DCAF13: variants seen among roughly 807,000 people sequenced by gnomAD.
The protein encoded by DCAF13 is DDB1 and CUL4 associated factor 13.
A neutral mutation model predicts 59.0 loss-of-function variants in DCAF13; 38 were observed. That is an observed-to-expected ratio of 0.64 (90% confidence interval 0.50 to 0.84). The LOEUF (loss-of-function observed/expected upper bound fraction) is 0.84, where lower values mean the gene tolerates loss of function less well. Among genes scored for constraint, DCAF13 ranks in the 40% least tolerant of loss-of-function variants. The pLI, the probability that DCAF13 is intolerant of heterozygous loss-of-function variation, is 0.00. For missense variants in DCAF13, 469 were observed against 558.4 expected, an observed-to-expected ratio of 0.84 and a Z score of 1.61; for synonymous variants, 173 against 175.0, an observed-to-expected ratio of 0.99 and a Z score of 0.09.
rs760281498 is a variant in DCAF13 at position 103,420,966 on chromosome 8, T to C, written c.271-9T>C. Reference sequence around the variant, plus strand: ...GTTCACTGAAATTTCCTGGTATGCCTTATCATAGGTTAGAATTTGGAATCT... The same window carrying C: ...GTTCACTGAAATTTCCTGGTATGCCCTATCATAGGTTAGAATTTGGAATCT... On this transcript the variant is annotated splice_polypyrimidine_tract_variant and intron_variant, in intron 2 of 10. Coordinates refer to ENST00000612750, the MANE Select transcript of DCAF13 (RefSeq NM_015420.7). The C allele has an allele frequency of 1.3e-6, 2 of 1,562,224 alleles. No homozygotes were observed. The highest frequency in any genetic ancestry group is 2.2e-5 in the South Asian group (2 of 90,000).
At chr8:103,439,070 C>G (rs544686138) in intron 8 of DCAF13, among the ~76,000 whole-genome samples, 35 of 152,092 alleles carry the variant, frequency 2.3e-4, no homozygotes, top group Non-Finnish European at 4.7e-4. Context: ...TGCAGTAGCA[C>G]GATCTCGGCT....
intron 3 of DCAF13, among the ~76,000 whole-genome samples, chr8:103,425,488 T>G (rs1175604557): frequency 2.0e-5 from 3 of 152,212 alleles, no homozygotes; most frequent in Non-Finnish European, 2.9e-5. Flanking sequence ...AAAATAGTTT[T>G]GACTGTGTGG....
At chr8:103,434,136 A>T (rs1787193911) in intron 7 of DCAF13, among the ~76,000 whole-genome samples, 1 of 151,978 alleles carries the variant, frequency 6.6e-6, no homozygotes, top group Non-Finnish European at 1.5e-5. Flanking sequence ...CTATATTTGT[A>T]AGTATTTTTT....
At chr8:103,431,203 A>G (rs1351274955) in intron 6 of DCAF13, among the ~76,000 whole-genome samples, 4 of 152,222 alleles carry the variant, frequency 2.6e-5, no homozygotes, top group African/African-American at 9.6e-5. Context: ...TAACAATTCT[A>G]AAGTAGTAAT....
chr8:103,434,224 T>C (rs960091777), intron 7 of DCAF13, among the ~76,000 whole-genome samples: 1 of 152,100 alleles, frequency 6.6e-6, no homozygotes, highest in African/African-American at 2.4e-5. Context: ...CAGTAATTAC[T>C]GTATAAACTT....
chr8:103,425,822 T>G (rs895269025), intron 3 of DCAF13, among the ~76,000 whole-genome samples: 1 of 152,180 alleles, frequency 6.6e-6, no homozygotes, highest in South Asian at 2.1e-4. Context: ...ACTTTGCCCC[T>G]GTTCTTGTTT....
intron 4 of DCAF13, among the ~76,000 whole-genome samples, chr8:103,426,850 G>C (rs930133163): frequency 1.1e-4 from 16 of 152,066 alleles, no homozygotes; most frequent in African/African-American, 3.4e-4. Context: ...TGGGGTATGA[G>C]TATGAGGTAG....
At chr8:103,439,029 A>T (rs1816969877) in intron 8 of DCAF13, among the ~76,000 whole-genome samples, 1 of 151,776 alleles carries the variant, frequency 6.6e-6, no homozygotes, top group South Asian at 2.1e-4. Context: ...TTTTTTTGAG[A>T]TGGAGTCTTG....
At chr8:103,430,717 A>G (rs760659295) in intron 6 of DCAF13, 28 bp downstream of exon 6, 3 of 1,527,174 alleles carry the variant, frequency 2.0e-6, no homozygotes, top group Admixed American at 1.8e-5. Context: ...CTTTTGCTTT[A>G]TACAGTTGGC....
chr8:103,439,030 T>A (rs151090071), intron 8 of DCAF13, among the ~76,000 whole-genome samples: 1 of 152,270 alleles, frequency 6.6e-6, no homozygotes, highest in African/African-American at 2.4e-5. Context: ...TTTTTTGAGA[T>A]GGAGTCTTGC....
intron 3 of DCAF13, among the ~76,000 whole-genome samples, chr8:103,425,434 G>A (rs1010919369): frequency 6.6e-6 from 1 of 152,178 alleles, no homozygotes; most frequent in Non-Finnish European, 1.5e-5. Flanking sequence ...TTGTGCAGCT[G>A]TCAGCACAGT....
intron 5 of DCAF13, 69 bp from the exon 6 acceptor site, chr8:103,430,543 G>A (rs1278758462): frequency 2.0e-6 from 2 of 1,014,802 alleles, no homozygotes; most frequent in Non-Finnish European, 3.0e-6. Flanking sequence ...TAAATCATTT[G>A]TTTACTGAAT....
rs999376459 is a variant in DCAF13, at chr8:103,432,686, A to G, written c.730A>G (p.Ile244Val). The G allele has an allele frequency of 4.4e-6, 7 of 1,603,168 alleles. No individual in the cohort carries two copies. Among genetic ancestry groups the G allele is most frequent in the Admixed American group, 1.7e-5 (1 of 59,762 alleles). The change falls in exon 7 of 11, where the codon ATC (isoleucine) becomes GTC (valine). Residue 244 changes from isoleucine to valine, a missense_variant. By Grantham distance (29) the Ile-to-Val change is conservative. Around this residue, in one of 3 missense-constraint regions of DCAF13, gnomAD observed 355 missense variants for 399.1 expected, o/e 0.89. Transcript: ENST00000612750. ...TATCTTAGATATGAGAACAAATACA[A>G]TCTGTTGGAACCCTATGGAAGCTTT... The part of the protein sequence containing the change: ...KVILDMRTNT[I>V]CWNPMEAFIF...
chr8:103,418,562 A>G (rs1420622524), intron 1 of DCAF13, among the ~76,000 whole-genome samples: 3 of 151,698 alleles, frequency 2.0e-5, no homozygotes, highest in Admixed American at 1.3e-4. Context: ...AACACAAAAA[A>G]CTAGAAATAG....
intron 9 of DCAF13, 178 bp downstream of exon 9, chr8:103,440,449 CTAT>C (rs1358736551): frequency 2.0e-5 from 10 of 506,386 alleles, no homozygotes; most frequent in Non-Finnish European, 3.3e-5. Context: ...TCATTCTGAT[CTAT>C]TATTGTAGAC....
chr8:103,435,892 T>A (rs1816925542), intron 8 of DCAF13, 102 bp downstream of exon 8: 8 of 1,232,822 alleles, frequency 6.5e-6, no homozygotes, highest in Non-Finnish European at 9.4e-6. Flanking sequence ...TGTGTGAACA[T>A]CATCAGAGTG....
intron 3 of DCAF13, among the ~76,000 whole-genome samples, chr8:103,425,074 T>A (rs1420009084): frequency 6.6e-6 from 1 of 152,212 alleles, no homozygotes; most frequent in African/African-American, 2.4e-5. Flanking sequence ...AAGAAGCGTT[T>A]TCCTTTTTGA....
rs202190823 is a variant in DCAF13, at chr8:103,441,606, C to A, written c.1238C>A (p.Ala413Asp). The A allele has an allele frequency of 1.2e-6, 2 of 1,610,654 alleles. No homozygotes were observed. The highest frequency in any genetic ancestry group is 1.7e-6 in the Non-Finnish European group (2 of 1,179,270). The change falls in exon 10 of 11, where the codon GCT (alanine) becomes GAT (aspartate). Residue 413 changes from alanine to aspartate, a missense_variant. Coordinates refer to ENST00000612750, the MANE Select transcript of DCAF13 (RefSeq NM_015420.7). ...CAGGAACAGCGCATCATGAAAGAAG[C>A]TCGTCGACGAAAGTATGTTTTGAGG... ...QIQEQRIMKE[A>D]RRRKEVNRIK... is the part of the protein sequence containing the mutation.
intron 10 of DCAF13, 30 bp downstream of exon 10, chr8:103,441,648 C>G (rs1305651035): frequency 6.3e-7 from 1 of 1,599,768 alleles, no homozygotes; most frequent in African/African-American, 1.4e-5. Context: ...ACTCTATTAC[C>G]CTTTTCTGAC....
Sources: gnomAD v4.1 joint callset for allele counts (sites outside exome capture counted in the v4.1 genomes callset) on GRCh38, gnomAD v4.1.1 for gene constraint, gnomAD v4.1.1 regional missense constraint, MANE v1.5 for transcripts, NCBI Gene and HGNC (gene_info 2026-07-23, HGNC 2026-07-21) for gene names.